CUL4B: variants seen among roughly 807,000 people sequenced by gnomAD.
CUL4B encodes the protein cullin-4B.
CUL4B carries 1 observed loss-of-function variant against 69.2 expected under a neutral mutation model. The ratio of observed to expected loss-of-function variants is 0.01; its 90% CI spans 0.01 to 0.07. The LOEUF is 0.07. Among genes scored for constraint, CUL4B ranks in the 10% least tolerant of loss-of-function variants. The probability of loss-of-function intolerance (pLI) is 1.00; values close to 1 mark genes in which losing one functional copy is unlikely to be tolerated. For synonymous variants in CUL4B, 237 were observed against 223.2 expected, an observed-to-expected ratio of 1.06 and a Z score of -0.55; for missense variants, 328 against 638.8, an observed-to-expected ratio of 0.51 and a Z score of 5.24.
upstream of CUL4B, among the ~76,000 whole-genome samples, chrX:120,562,616 A>G (rs1201365459): frequency 8.9e-6 from 1 of 112,111 alleles, no homozygotes; most frequent in Non-Finnish European, 1.9e-5. Flanking sequence ...TGGAATAGGA[A>G]GAGTTCTACA....
rs375607970 is a variant in CUL4B, at chrX:120,545,435, C to T, written c.920+9G>A. 31 of 1,130,782 alleles carry T rather than the reference C, an allele frequency of 2.7e-5. No individual in the cohort carries two copies. The highest frequency in any genetic ancestry group is 2.4e-4 in the Middle Eastern group (1 of 4,113). 93.2% of individuals were successfully genotyped at this position (1,130,782 alleles called of 1,213,427 possible). ...GAACAATCTTTTCATATTTTTCTGGCATCCTTACCAAATGGAGGGTAGCAT... is the reference window on the plus strand; with the variant it reads ...GAACAATCTTTTCATATTTTTCTGGTATCCTTACCAAATGGAGGGTAGCAT... On this transcript the variant is annotated intron_variant, in intron 5 of 19. Transcript: ENST00000371322.
chrX:120,570,783 T>C (rs772378444), downstream of CUL4B, among the ~76,000 whole-genome samples: 4 of 112,579 alleles, frequency 3.6e-5, no homozygotes, highest in Non-Finnish European at 5.6e-5. Flanking sequence ...TCTCAAACAA[T>C]GTTATGTGAA....
In CUL4B at chrX:120,560,014, T is replaced by C. The variant is rs895114790; in HGVS notation, c.556+69A>G. On this transcript the variant is annotated intron_variant, in intron 1 of 19. Transcript: ENST00000371322. Reference sequence around the variant, plus strand: ...CTCCAAACTGTTTAATATATTAACATAAATAGAGCACGTGACCCCTCGAGT... The same window carrying C: ...CTCCAAACTGTTTAATATATTAACACAAATAGAGCACGTGACCCCTCGAGT... The C allele has an allele frequency of 4.7e-5, 57 of 1,208,300 alleles. No individual in the cohort carries two copies. In the Middle Eastern group the frequency reaches 3.0e-3, roughly 63 times the overall value.
chrX:120,559,857 C>T, intron 1 of CUL4B: 1 of 1,141,031 alleles, frequency 8.8e-7, no homozygotes. Flanking sequence ...TGAAAAAGAC[C>T]TCAAAATACT....
chrX:120,534,641 T>G (rs1227076736), intron 16 of CUL4B, 55 bp from the exon 17 acceptor site: 8 of 790,636 alleles, frequency 1.0e-5, no homozygotes, highest in Non-Finnish European at 1.6e-5. Flanking sequence ...ACATGAAAAA[T>G]TAATCATCTC....
exon 3 of CUL4B, chrX:120,571,217 T>C (rs1925701858): frequency 9.0e-6 from 1 of 111,394 alleles, no homozygotes; most frequent in African/African-American, 3.3e-5. Flanking sequence ...CTCCATAAAT[T>C]ACACATCATA....
In CUL4B at chrX:120,547,178, A is replaced by C. The variant is rs946058527; in HGVS notation, c.734T>G (p.Ile245Ser). The C allele has an allele frequency of 2.5e-6, 3 of 1,207,489 alleles. No homozygotes were observed. Among genetic ancestry groups the C allele is most frequent in the Admixed American group, 2.2e-5 (1 of 46,080 alleles). The change falls in exon 3 of 20, where the codon ATC (isoleucine) becomes AGC (serine). Residue 245 changes from isoleucine (I) to serine (S), a missense_variant. Physicochemically the swap from Ile to Ser is moderately radical, Grantham distance 142 (BLOSUM62 -2). Coordinates refer to ENST00000371322, the MANE Select transcript of CUL4B (RefSeq NM_001079872.2). ...SANLYKQLRQ[I>S]CEDHIKAQIH... is the part of the protein sequence containing the mutation. ...CTGTGCTTTGATGTGATCTTCGCAG[A>C]TCTGTCTCAGCTGTTTGTACAAGTT... is the stretch of plus-strand genomic sequence containing the variant.
At chrX:120,530,073 G>A in intron 19 of CUL4B, 29 bp downstream of exon 19, 2 of 1,187,220 alleles carry the variant, frequency 1.7e-6, no homozygotes, top group South Asian at 1.8e-5. Context: ...TTTATAACAC[G>A]CTCAATAGGA....
upstream of CUL4B, chrX:120,561,330 C>T (rs1483249079): frequency 1.8e-6 from 1 of 562,759 alleles, no homozygotes; most frequent in Non-Finnish European, 3.3e-6. Context: ...CCACTCCCTC[C>T]TTAACGGTCC....
chrX:120,544,036 A>G (rs1310133684), intron 7 of CUL4B, 78 bp downstream of exon 7: 21 of 679,402 alleles, frequency 3.1e-5, no homozygotes. Flanking sequence ...AGATAAATGC[A>G]AAGGGAAGCT....
chrX:120,559,357 C>T (rs1925153906), intron 1 of CUL4B, among the ~76,000 whole-genome samples: 1 of 112,115 alleles, frequency 8.9e-6, no homozygotes, highest in African/African-American at 3.2e-5. Context: ...TCATAATACT[C>T]TCCTCACATA....
At chrX:120,566,367 A>ATGTG (rs754503890), upstream of CUL4B, among the ~76,000 whole-genome samples, 241 of 57,131 alleles carry the variant, frequency 4.2e-3, 1 homozygote, top group African/African-American at 0.013. Context: ...ATATATATAT[A>ATGTG]TATATATATA....
chrX:120,573,756 C>T (rs988031356), intron 2 of CUL4B, among the ~76,000 whole-genome samples: 18 of 112,584 alleles, frequency 1.6e-4, no homozygotes, highest in Admixed American at 4.7e-4. Context: ...TTTGTTTCTA[C>T]CTTGCTATTA....
downstream of CUL4B, among the ~76,000 whole-genome samples, chrX:120,570,788 T>C (rs1925687905): frequency 8.9e-6 from 1 of 112,608 alleles, no homozygotes; most frequent in Admixed American, 9.4e-5. Context: ...AACAATGTTA[T>C]GTGAAAAACA....
At chrX:120,542,238 T>C (rs1379717186) in intron 9 of CUL4B, among the ~76,000 whole-genome samples, 1 of 112,054 alleles carries the variant, frequency 8.9e-6, no homozygotes, top group Non-Finnish European at 1.9e-5. Context: ...CCATATTATG[T>C]ACATAGTTAT....
chrX:120,531,923 A>G (rs113073926), intron 18 of CUL4B, among the ~76,000 whole-genome samples: 5,796 of 111,081 alleles, frequency 0.052, 360 homozygotes, highest in African/African-American at 0.18. Context: ...TCCGGAACAC[A>G]ATATGACATT....
upstream of CUL4B, chrX:120,561,175 G>A: frequency 1.3e-6 from 1 of 778,957 alleles, no homozygotes; most frequent in East Asian, 3.7e-5. Flanking sequence ...CCGCCCGGGG[G>A]GCGGGGGAGC....
intron 2 of CUL4B, among the ~76,000 whole-genome samples, chrX:120,550,574 T>A (rs1924628393): frequency 9.0e-6 from 1 of 111,389 alleles, no homozygotes; most frequent in Admixed American, 9.6e-5. Flanking sequence ...TTAGTGGAAA[T>A]AGTGAGAAAT....
At chrX:120,530,652 T>C (rs894177968) in intron 18 of CUL4B, among the ~76,000 whole-genome samples, 166 of 112,209 alleles carry the variant, frequency 1.5e-3, no homozygotes, top group African/African-American at 5.1e-3. Context: ...ATAAGGTGAC[T>C]CTGTCTGATC....
Sources: gnomAD v4.1 joint callset for allele counts (sites outside exome capture counted in the v4.1 genomes callset) on GRCh38, gnomAD v4.1.1 for gene constraint, MANE v1.5 for transcripts, NCBI Gene and HGNC (gene_info 2026-07-23, HGNC 2026-07-21) for gene names.